Variants in BTNL8 observed in about 807,000 individuals in gnomAD.
BTNL8 encodes the protein butyrophilin-like protein 8.
Under a neutral mutation model 36.1 loss-of-function variants are expected in BTNL8, and 22 were observed. The ratio of observed to expected loss-of-function variants is 0.61; its 90% CI spans 0.44 to 0.87. The LOEUF is 0.87. Ranked by LOEUF, BTNL8 falls within the 40% of genes least tolerant of loss-of-function variation. The pLI is 0.00. For synonymous variants in BTNL8, 203 were observed against 235.6 expected, an observed-to-expected ratio of 0.86 and a Z score of 1.27; for missense variants, 526 against 616.9, an observed-to-expected ratio of 0.85 and a Z score of 1.56.
At chr5:180,927,465 C>T (rs772412866) in intron 3 of BTNL8, among the ~76,000 whole-genome samples, 12 of 152,068 alleles carry the variant, frequency 7.9e-5, no homozygotes, top group African/African-American at 2.4e-4. Flanking sequence ...GGAACAAAAC[C>T]GGATGGAGAA....
At chr5:180,947,086 G>A (rs1759295187) in intron 3 of BTNL8, among the ~76,000 whole-genome samples, 1 of 152,164 alleles carries the variant, frequency 6.6e-6, no homozygotes, top group Non-Finnish European at 1.5e-5. Context: ...AGGCACAACT[G>A]AATAAGAAGT....
intron 3 of BTNL8, among the ~76,000 whole-genome samples, chr5:180,933,961 A>C (rs923654066): frequency 6.8e-6 from 1 of 146,354 alleles, no homozygotes; most frequent in Non-Finnish European, 1.5e-5. Context: ...CCTGATACCA[A>C]TATCAGACAA....
intron 2 of BTNL8, chr5:180,909,715 T>TA: frequency 4.0e-6 from 1 of 252,646 alleles, no homozygotes; most frequent in Non-Finnish European, 5.2e-6. Flanking sequence ...CTCATCTCTA[T>TA]TAAAAAAAAA....
At chr5:180,910,871 A>T (rs1158825069) in intron 2 of BTNL8, among the ~76,000 whole-genome samples, 4 of 152,092 alleles carry the variant, frequency 2.6e-5, no homozygotes, top group Admixed American at 2.6e-4. Context: ...TCAGCCCCAC[A>T]CGTGTGATGA....
intron 2 of BTNL8, among the ~76,000 whole-genome samples, chr5:180,910,634 A>T (rs566959879): frequency 3.3e-5 from 5 of 152,230 alleles, no homozygotes; most frequent in African/African-American, 1.2e-4. Context: ...TACTTTCTCT[A>T]ATAAATCTGC....
intron 3 of BTNL8, among the ~76,000 whole-genome samples, chr5:180,922,212 G>A (rs924912283): frequency 1.3e-5 from 2 of 151,680 alleles, no homozygotes; most frequent in Admixed American, 1.3e-4. Context: ...CTCTGATTTT[G>A]TTATGTCTTA....
intron 3 of BTNL8, among the ~76,000 whole-genome samples, chr5:180,913,111 G>C (rs1757480304): frequency 6.6e-6 from 1 of 152,164 alleles, no homozygotes; most frequent in African/African-American, 2.4e-5. Flanking sequence ...ATGTGAGGGG[G>C]CATTGACTGG....
In BTNL8 at chr5:180,935,631, C is replaced by T. The variant is rs1422224477; in HGVS notation, c.674-11881C>T. Among the ~76,000 whole-genome samples, 1 of 152,196 alleles carries T rather than the reference C, an allele frequency of 6.6e-6. No individual in the cohort carries two copies. Among genetic ancestry groups the T allele is most frequent in the Non-Finnish European group, 1.5e-5 (1 of 68,030 alleles). ...CAGGGCCCCGAGAGCACAGTGATGC[C>T]TGGGTCTGGAGCTGCGGCTGGGTGA... On this transcript the variant is annotated intron_variant, in intron 3 of 7. Coordinates refer to ENST00000340184, the MANE Select transcript of BTNL8 (RefSeq NM_001040462.3). The surrounding 1 kb of genome is among the most constrained non-coding windows in gnomAD (Gnocchi z 4.8).
intron 3 of BTNL8, among the ~76,000 whole-genome samples, chr5:180,942,202 AC>A (rs1759013121): frequency 6.6e-6 from 1 of 152,200 alleles, no homozygotes; most frequent in African/African-American, 2.4e-5. Context: ...AATAGCTACA[AC>A]AAAATAAAAT....
At chr5:180,902,336 AT>A in intron 1 of BTNL8, 1 of 1,548,340 alleles carries the variant, frequency 6.5e-7, no homozygotes, top group African/African-American at 1.4e-5. Context: ...AATAATACAC[AT>A]TTCTGCAGGT....
intron 3 of BTNL8, among the ~76,000 whole-genome samples, chr5:180,924,666 C>G (rs140023938): frequency 6.6e-6 from 1 of 152,282 alleles, no homozygotes; most frequent in East Asian, 1.9e-4. Context: ...TAGTGAAGAC[C>G]TCTTACTGAG....
In BTNL8 at chr5:180,932,515, T is replaced by G. The variant is rs560974999; in HGVS notation, c.674-14997T>G. On this transcript the variant is annotated intron_variant, in intron 3 of 7. Coordinates refer to ENST00000340184, the MANE Select transcript of BTNL8 (RefSeq NM_001040462.3). The stretch of plus-strand genomic sequence containing the variant: ...GTGCCCGCCACCATGCCTGGCTAAT[T>G]TTTTTTTGTATTTTTAGTAGAGACA... Among the ~76,000 whole-genome samples, 5 of 151,950 alleles carry G rather than the reference T, an allele frequency of 3.3e-5. No homozygotes were observed. The East Asian group carries it at 9.7e-4, about 29-fold the overall frequency.
Position 180,911,680 on chromosome 5 carries a change from G to A in BTNL8, c.673+66G>A, listed in dbSNP as rs1343068382. On this transcript the variant is annotated intron_variant, in intron 3 of 7. Coordinates refer to ENST00000340184, the MANE Select transcript of BTNL8 (RefSeq NM_001040462.3). ...CTTCGGTAACTCAGAGGGAGGACAG[G>A]AGCCTCCATCTTGGCATTGCTGTTT... The A allele has an allele frequency of 2.0e-5, 28 of 1,431,122 alleles. No homozygotes were observed. In the East Asian group the frequency reaches 4.4e-4, roughly 22 times the overall value. The allele number at this position is 1,431,122 out of a possible 1,614,324, so 88.7% of individuals were successfully genotyped here.
At chr5:180,900,130 A>G (rs1326299283) in intron 1 of BTNL8, among the ~76,000 whole-genome samples, 2 of 152,144 alleles carry the variant, frequency 1.3e-5, no homozygotes, top group South Asian at 2.1e-4. Flanking sequence ...ACAAAAACCC[A>G]TATGTGTTAC....
At chr5:180,907,499 A>G (rs372204919) in intron 1 of BTNL8, among the ~76,000 whole-genome samples, 6 of 147,448 alleles carry the variant, frequency 4.1e-5, no homozygotes, top group East Asian at 2.0e-4. Context: ...TAATTTGATC[A>G]TCTGAAGCCT....
At chr5:180,931,432 G>T (rs62406731) in intron 3 of BTNL8, among the ~76,000 whole-genome samples, 68,268 of 151,872 alleles carry the variant, frequency 0.45, 16,426 homozygotes, top group African/African-American at 0.63. Context: ...CTAAAAGCAA[G>T]GGCAACAAAA....
At chr5:180,939,614 G>A (rs756772372) in intron 3 of BTNL8, among the ~76,000 whole-genome samples, 1 of 152,080 alleles carries the variant, frequency 6.6e-6, no homozygotes, top group Non-Finnish European at 1.5e-5. Flanking sequence ...TTAATGTAAT[G>A]TCTAGCTGAA....
chr5:180,949,130 G>A, intron 6 of BTNL8, 109 bp from the exon 7 acceptor site: 2 of 1,374,456 alleles, frequency 1.5e-6, no homozygotes, highest in South Asian at 1.2e-5. Context: ...CGGATCTCTG[G>A]AGGGTCCACA....
intron 1 of BTNL8, among the ~76,000 whole-genome samples, chr5:180,900,187 C>T (rs888115617): frequency 2.6e-5 from 4 of 152,204 alleles, no homozygotes; most frequent in South Asian, 2.1e-4. Context: ...TATTTTCTGA[C>T]GAGCTTCTTT....
Sources: gnomAD v4.1 joint callset for allele counts (sites outside exome capture counted in the v4.1 genomes callset) on GRCh38, gnomAD v4.1.1 for gene constraint, Gnocchi (gnomAD v3.1) non-coding constraint, MANE v1.5 for transcripts, NCBI Gene and HGNC (gene_info 2026-07-23, HGNC 2026-07-21) for gene names.